The following CCDC106 variants were observed in gnomAD, a reference collection of about 807,000 sequenced individuals.
The protein encoded by CCDC106 is coiled-coil domain-containing protein 106.
A neutral mutation model predicts 24.7 loss-of-function variants in CCDC106; 17 were observed. The observed-to-expected ratio is 0.69, with a 90% CI of 0.47 to 1.03. The LOEUF (loss-of-function observed/expected upper bound fraction) is 1.03, where lower values mean the gene tolerates loss of function less well. Ranked by LOEUF, CCDC106 falls within the 50% of genes least tolerant of loss-of-function variation. The pLI is 0.00. For missense variants in CCDC106, 337 were observed against 388.9 expected, an observed-to-expected ratio of 0.87 and a Z score of 1.12; for synonymous variants, 211 against 161.3, an observed-to-expected ratio of 1.31 and a Z score of -2.34.
Position 55,648,927 on chromosome 19 carries a change from C to G in CCDC106, c.-120C>G. On this transcript the variant is annotated 5_prime_UTR_variant, in exon 1 of 5. Transcript: ENST00000586790. The stretch of plus-strand genomic sequence containing the variant: ...GTCCAGGCCAGAAGGTCCCTCCTGT[C>G]TCACTTCACCTCCCCCAGGATGGAC... The G allele has an allele frequency of 1.0e-6, 1 of 991,424 alleles. No individual in the cohort carries two copies. The highest frequency in any genetic ancestry group is 1.6e-6 in the Non-Finnish European group (1 of 626,130). The allele number at this position is 991,424 out of a possible 1,614,324, so 61.4% of individuals were successfully genotyped here. A position where few individuals can be genotyped will look rare whatever the true frequency, so the allele number is the denominator to read the frequency against.
intron 3 of CCDC106, among the ~76,000 whole-genome samples, chr19:55,650,653 TTGGGCCTGCCAC>T: frequency 6.6e-6 from 1 of 152,352 alleles, no homozygotes; most frequent in Admixed American, 6.5e-5. Flanking sequence ...CTGGCTGCCC[TTGGGCCTGCCAC>T]TGTCTCCTCT....
chr19:55,647,604 G>T (rs750818664), upstream of CCDC106, among the ~76,000 whole-genome samples: 15 of 152,184 alleles, frequency 9.9e-5, no homozygotes, highest in Admixed American at 4.6e-4. Flanking sequence ...GGAGGAGCAG[G>T]AACAGTCAGG....
In CCDC106 at chr19:55,652,077, G is replaced by A. The variant is rs571017567; in HGVS notation, c.527-353G>A. ...CGCAGTAGGACCTACCTCACGGGGA[G>A]GGTGAGACTTGAATAAGTGAATTCA... On this transcript the variant is annotated intron_variant, in intron 4 of 4. Transcript: ENST00000586790. This position sits in a 1 kb window ranked among gnomAD's most constrained non-coding sequence, Gnocchi z 5.9. 1.3e-5 allele frequency among the ~76,000 whole-genome samples: 2 copies of A among 152,208 alleles called. No individual in the cohort carries two copies. The highest frequency in any genetic ancestry group is 1.3e-4 in the Admixed American group (2 of 15,294).
In CCDC106 at chr19:55,652,945, G is replaced by A. The variant is rs1014222900; in HGVS notation, c.*199G>A. On this transcript the variant is annotated 3_prime_UTR_variant, in exon 5 of 5. Coordinates refer to ENST00000586790, the MANE Select transcript of CCDC106 (RefSeq NM_001370470.1). This position sits in a 1 kb window ranked among gnomAD's most constrained non-coding sequence, Gnocchi z 5.9. ...AACGCCGGCACCCCCTTCCGCTTGGGCTGCCCAGCCCTGTCCTCGCCGGGC... is the reference window on the plus strand; with the variant it reads ...AACGCCGGCACCCCCTTCCGCTTGGACTGCCCAGCCCTGTCCTCGCCGGGC... 32 of 573,944 alleles carry A rather than the reference G, an allele frequency of 5.6e-5. No homozygotes were observed. The highest frequency in any genetic ancestry group is 5.2e-4 in the African/African-American group (27 of 52,092). The allele number at this position is 573,944 out of a possible 1,614,324, so 35.6% of individuals were successfully genotyped here.
rs960412194 is a variant in CCDC106 at position 55,649,394 on chromosome 19, C to G, written c.137-14C>G. ...GGGTGTGACCTGGTCCCCCCACCCT[C>G]GCTGTGTCCCTAGAGCCTCCGGAGG... On this transcript the variant is annotated splice_polypyrimidine_tract_variant and intron_variant, in intron 2 of 4. Transcript: ENST00000586790. 4.3e-6 allele frequency: 7 copies of G among 1,613,846 alleles called. No individual in the cohort carries two copies. In the Admixed American group the frequency reaches 1.2e-4, roughly 27 times the overall value.
intron 3 of CCDC106, among the ~76,000 whole-genome samples, chr19:55,650,957 C>A (rs1983215659): frequency 6.6e-6 from 1 of 152,208 alleles, no homozygotes; most frequent in Admixed American, 6.5e-5. Flanking sequence ...CTCCAGAGGT[C>A]CCGCCCAGTC....
rs144302690 is a variant in CCDC106 at position 55,652,286 on chromosome 19, CTGT to C, written c.527-139_527-137del. ...CCCCTCCTCTCTGCCCCTTCCTTGC[CTGT>C]TGTTCTCCGTCTCCACCTGCACCGG... On this transcript the variant is annotated intron_variant, in intron 4 of 4. Transcript: ENST00000586790. This position sits in a 1 kb window ranked among gnomAD's most constrained non-coding sequence, Gnocchi z 5.9. 0.032 allele frequency: 21,425 copies of C among 663,788 alleles called. 561 individuals carry two copies. Among genetic ancestry groups the C allele is most frequent in the South Asian group, 0.1 (5,047 of 50,584 alleles). 41.1% of individuals were successfully genotyped at this position (663,788 alleles called of 1,614,324 possible). A position where few individuals can be genotyped will look rare whatever the true frequency, so the allele number is the denominator to read the frequency against.
At position 55,648,970 on chromosome 19, in the gene CCDC106, T is replaced by C; in HGVS notation, c.-77T>C. 1 of 1,421,924 alleles carries C rather than the reference T, an allele frequency of 7.0e-7. No individual in the cohort carries two copies. The allele number at this position is 1,421,924 out of a possible 1,614,324, so 88.1% of individuals were successfully genotyped here. On this transcript the variant is annotated 5_prime_UTR_variant, in exon 1 of 5. Coordinates refer to ENST00000586790, the MANE Select transcript of CCDC106 (RefSeq NM_001370470.1). ...GGATGGACCCTCCAGTCCATCTGCG[T>C]CTCTCCATTTGTGGCTGCCGTTTCT...
At chr19:55,651,029 G>A (rs1335063125) in intron 3 of CCDC106, among the ~76,000 whole-genome samples, 2 of 152,192 alleles carry the variant, frequency 1.3e-5, no homozygotes, top group East Asian at 3.9e-4. Flanking sequence ...TGAGGCCCCT[G>A]GTCGGCTGCC....
In CCDC106 at chr19:55,648,891, T is replaced by G. The variant is rs1983043049; in HGVS notation, c.-156T>G. The G allele has an allele frequency of 2.6e-6, 2 of 764,608 alleles. No individual in the cohort carries two copies. Among genetic ancestry groups the G allele is most frequent in the South Asian group, 3.1e-5 (2 of 64,256 alleles). The allele number at this position is 764,608 out of a possible 1,614,324, so 47.4% of individuals were successfully genotyped here. A position where few individuals can be genotyped will look rare whatever the true frequency, so the allele number is the denominator to read the frequency against. ...CCTGGGGTCCAGGCTCCCTCCTCCC[T>G]CAGACCAGGGGTCCAGGCCAGAAGG... On this transcript the variant is annotated 5_prime_UTR_variant, in exon 1 of 5. Coordinates refer to ENST00000586790, the MANE Select transcript of CCDC106 (RefSeq NM_001370470.1).
chr19:55,648,922 C>G lies in CCDC106; in HGVS notation c.-125C>G. The G allele has an allele frequency of 1.0e-6, 1 of 960,448 alleles. No individual in the cohort carries two copies. Among genetic ancestry groups the G allele is most frequent in the Non-Finnish European group, 1.7e-6 (1 of 599,952 alleles). The allele number at this position is 960,448 out of a possible 1,614,324, so 59.5% of individuals were successfully genotyped here. On this transcript the variant is annotated 5_prime_UTR_variant, in exon 1 of 5. Coordinates refer to ENST00000586790, the MANE Select transcript of CCDC106 (RefSeq NM_001370470.1). Reference sequence around the variant, plus strand: ...CAGGGGTCCAGGCCAGAAGGTCCCTCCTGTCTCACTTCACCTCCCCCAGGA... The same window carrying G: ...CAGGGGTCCAGGCCAGAAGGTCCCTGCTGTCTCACTTCACCTCCCCCAGGA...
chr19:55,651,953 C>T (rs985651658), intron 4 of CCDC106, among the ~76,000 whole-genome samples: 4 of 152,116 alleles, frequency 2.6e-5, no homozygotes, highest in Non-Finnish European at 5.9e-5. Context: ...TGAGCCACCG[C>T]GCATGGCCTG....
At chr19:55,649,123 C>G (rs775377065) in intron 1 of CCDC106, 46 bp downstream of exon 1, 4 of 1,611,968 alleles carry the variant, frequency 2.5e-6, no homozygotes, top group Non-Finnish European at 1.7e-6. Flanking sequence ...CCAGTGCGGT[C>G]GGCTCCAGGC....
intron 3 of CCDC106, 125 bp downstream of exon 3, chr19:55,649,709 G>GT (rs1366331528): frequency 2.3e-6 from 2 of 874,782 alleles, no homozygotes; most frequent in African/African-American, 1.7e-5. Context: ...CTATCTGCTA[G>GT]TCCCCTGCCT....
In CCDC106 at chr19:55,648,546, C is replaced by G. The variant is rs1205922196; in HGVS notation, c.-501C>G. 6.3e-6 allele frequency: 1 copy of G among 159,616 alleles called. No individual in the cohort carries two copies. Among genetic ancestry groups the G allele is most frequent in the African/African-American group, 2.4e-5 (1 of 41,536 alleles). 9.9% of individuals were successfully genotyped at this position (159,616 alleles called of 1,614,324 possible). On this transcript the variant is annotated 5_prime_UTR_variant, in exon 1 of 5. Coordinates refer to ENST00000586790, the MANE Select transcript of CCDC106 (RefSeq NM_001370470.1). ...GTGCGGGGGAGGGGTGTGGGGGCCCCGAAGGTAGAGGAGGCAGCGCGCACG... is the reference window on the plus strand; with the variant it reads ...GTGCGGGGGAGGGGTGTGGGGGCCCGGAAGGTAGAGGAGGCAGCGCGCACG...
Position 55,651,479 on chromosome 19 carries a change from C to G in CCDC106, c.510C>G (p.Ala170=). 1 of 1,581,352 alleles carries G rather than the reference C, an allele frequency of 6.3e-7. No homozygotes were observed. The change falls in exon 4 of 5, where the codon GCC becomes GCG. Residue 170 remains alanine, a synonymous_variant. Coordinates refer to ENST00000586790, the MANE Select transcript of CCDC106 (RefSeq NM_001370470.1). The part of the protein sequence containing the change: ...ASRRRFGKPK[A]RERQRVKDAD... Reference sequence around the variant, plus strand: ...GGAGGCGCTTTGGGAAGCCCAAGGCCCGGGAGAGGCAGCGAGGTGAGTGGG... The same window carrying G: ...GGAGGCGCTTTGGGAAGCCCAAGGCGCGGGAGAGGCAGCGAGGTGAGTGGG...
intron 3 of CCDC106, among the ~76,000 whole-genome samples, chr19:55,650,323 G>A (rs1310718684): frequency 3.3e-5 from 5 of 152,100 alleles, no homozygotes; most frequent in South Asian, 2.1e-4. Context: ...CACAGCTAGC[G>A]TCTTCTCTTG....
At position 55,649,015 on chromosome 19, in the gene CCDC106, C is replaced by T. The variant is rs771457531; in HGVS notation, c.-32C>T. On this transcript the variant is annotated 5_prime_UTR_variant, in exon 1 of 5. Coordinates refer to ENST00000586790, the MANE Select transcript of CCDC106 (RefSeq NM_001370470.1). ...GTTTCTGTCCAGTGCCCCTGAGGCC[C>T]TCGGCTGCTGGGGTCCGTAGGAAGC... The T allele has an allele frequency of 4.3e-6, 7 of 1,611,948 alleles. No individual in the cohort carries two copies. Among genetic ancestry groups the T allele is most frequent in the South Asian group, 1.1e-5 (1 of 91,012 alleles).
At chr19:55,651,807 A>G (rs1050436471) in intron 4 of CCDC106, among the ~76,000 whole-genome samples, 4 of 151,630 alleles carry the variant, frequency 2.6e-5, no homozygotes, top group South Asian at 2.1e-4. Context: ...GACTACAGGC[A>G]CCCGCCACCA....
Sources: gnomAD v4.1 joint callset for allele counts (sites outside exome capture counted in the v4.1 genomes callset) on GRCh38, gnomAD v4.1.1 for gene constraint, Gnocchi (gnomAD v3.1) non-coding constraint, MANE v1.5 for transcripts, NCBI Gene and HGNC (gene_info 2026-07-23, HGNC 2026-07-21) for gene names.